Variants in ATF6 observed in about 807,000 individuals in gnomAD.
The protein encoded by ATF6 is activating transcription factor 6.
Under a neutral mutation model 83.6 loss-of-function variants are expected in ATF6, and 53 were observed. The ratio of observed to expected loss-of-function variants is 0.63; its 90% CI spans 0.51 to 0.80. The LOEUF (loss-of-function observed/expected upper bound fraction) is 0.80. ATF6 is among the 30% of genes least tolerant of loss of function. The probability of loss-of-function intolerance (pLI) is 0.00; values close to 1 mark genes in which losing one functional copy is unlikely to be tolerated. For missense variants in ATF6, 744 were observed against 797.9 expected, an observed-to-expected ratio of 0.93 and a Z score of 0.81; for synonymous variants, 288 against 285.8, an observed-to-expected ratio of 1.01 and a Z score of -0.08.
chr1:161,912,830 T>C (rs1048262715), intron 15 of ATF6, among the ~76,000 whole-genome samples: 1 of 152,160 alleles, frequency 6.6e-6, no homozygotes, highest in Non-Finnish European at 1.5e-5. Context: ...TTGACACTGA[T>C]AGTATTACTA....
At chr1:161,835,529 C>T (rs901394436) in intron 9 of ATF6, among the ~76,000 whole-genome samples, 16 of 152,194 alleles carry the variant, frequency 1.1e-4, no homozygotes, top group Non-Finnish European at 1.9e-4. Context: ...TCTTCCTATA[C>T]ATTGTTTTGT....
intron 12 of ATF6, among the ~76,000 whole-genome samples, chr1:161,859,236 G>T (rs973082136): frequency 3.9e-5 from 6 of 152,088 alleles, no homozygotes; most frequent in Non-Finnish European, 8.8e-5. Context: ...CCAGAAGTGG[G>T]AACCCCTATA....
chr1:161,895,366 G>A (rs1251939626), intron 14 of ATF6, among the ~76,000 whole-genome samples: 1 of 152,142 alleles, frequency 6.6e-6, no homozygotes, highest in Non-Finnish European at 1.5e-5. Context: ...ATTTGTGTGT[G>A]TTTTACTTAT....
intron 14 of ATF6, among the ~76,000 whole-genome samples, chr1:161,896,383 C>T (rs1378579911): frequency 6.6e-6 from 1 of 152,212 alleles, no homozygotes; most frequent in Non-Finnish European, 1.5e-5. Context: ...AGGCGTGAGC[C>T]ACCATGCCCA....
intron 9 of ATF6, among the ~76,000 whole-genome samples, chr1:161,824,449 A>T (rs1039969181): frequency 1.3e-5 from 2 of 151,148 alleles, no homozygotes; most frequent in Admixed American, 6.6e-5. Context: ...CCTTTTCTAA[A>T]TGTCTATCCC....
intron 15 of ATF6, among the ~76,000 whole-genome samples, chr1:161,913,288 C>G (rs954640999): frequency 6.6e-6 from 1 of 152,174 alleles, no homozygotes; most frequent in Non-Finnish European, 1.5e-5. Context: ...AACTAACCTG[C>G]AGTCGAACCA....
At chr1:161,832,428 C>T (rs1332866270) in intron 9 of ATF6, among the ~76,000 whole-genome samples, 2 of 152,160 alleles carry the variant, frequency 1.3e-5, no homozygotes, top group Non-Finnish European at 2.9e-5. Context: ...GGGTGCAGCG[C>T]ACCGTGCATG....
chr1:161,856,466 G>C (rs1440751140), intron 12 of ATF6, among the ~76,000 whole-genome samples: 2 of 152,138 alleles, frequency 1.3e-5, no homozygotes, highest in African/African-American at 2.4e-5. Context: ...CTGCTACCAT[G>C]GTCAGAGGAA....
chr1:161,951,277 A>G (rs185462895), intron 15 of ATF6, among the ~76,000 whole-genome samples: 3 of 152,352 alleles, frequency 2.0e-5, no homozygotes, highest in Admixed American at 2.0e-4. Context: ...TTTAGGGACA[A>G]GGTCTTAACA....
At chr1:161,768,787 C>G (rs1036442826) in intron 1 of ATF6, among the ~76,000 whole-genome samples, 2 of 152,040 alleles carry the variant, frequency 1.3e-5, no homozygotes, top group African/African-American at 4.8e-5. Context: ...GTTGCCCAGA[C>G]TGGTCTCCAA....
intron 9 of ATF6, among the ~76,000 whole-genome samples, chr1:161,826,177 G>A (rs1685892639): frequency 6.6e-6 from 1 of 152,176 alleles, no homozygotes; most frequent in African/African-American, 2.4e-5. Context: ...AAGGAATAAA[G>A]AGGATTAGAT....
intron 1 of ATF6, among the ~76,000 whole-genome samples, chr1:161,777,844 C>T (rs994529984): frequency 2.6e-5 from 4 of 152,194 alleles, no homozygotes; most frequent in Non-Finnish European, 5.9e-5. Flanking sequence ...ATACTTTCCA[C>T]AGCCCTCTCC....
At chr1:161,929,535 A>T (rs548896093) in intron 15 of ATF6, among the ~76,000 whole-genome samples, 1 of 152,226 alleles carries the variant, frequency 6.6e-6, no homozygotes, top group African/African-American at 2.4e-5. Flanking sequence ...GAAATAAATT[A>T]TCTGGTACTT....
chr1:161,865,305 G>T (rs1054646089), intron 14 of ATF6, among the ~76,000 whole-genome samples: 1 of 151,866 alleles, frequency 6.6e-6, no homozygotes, highest in Non-Finnish European at 1.5e-5. Flanking sequence ...GACTATAGCC[G>T]CATGCCACCA....
chr1:161,876,385 C>T (rs1050999077), intron 14 of ATF6, among the ~76,000 whole-genome samples: 5 of 151,906 alleles, frequency 3.3e-5, no homozygotes, highest in Admixed American at 2.6e-4. Context: ...TGAGCAAGGT[C>T]GATTATCCAC....
At chr1:161,774,442 CACAT>C (rs1684470702) in intron 1 of ATF6, among the ~76,000 whole-genome samples, 1 of 150,134 alleles carries the variant, frequency 6.7e-6, no homozygotes, top group Non-Finnish European at 1.5e-5. Context: ...CACACATACA[CACAT>C]ATATATACAT....
At chr1:161,826,186 A>G (rs1027039548) in intron 9 of ATF6, among the ~76,000 whole-genome samples, 1 of 152,190 alleles carries the variant, frequency 6.6e-6, no homozygotes, top group African/African-American at 2.4e-5. Context: ...AGAGGATTAG[A>G]TTATGCTACA....
intron 9 of ATF6, among the ~76,000 whole-genome samples, chr1:161,833,574 G>C (rs1686130413): frequency 6.6e-6 from 1 of 152,174 alleles, no homozygotes; most frequent in Non-Finnish European, 1.5e-5. Flanking sequence ...ACCTGATGTA[G>C]CTGAAAACCA....
chr1:161,832,297 G>T (rs573009606), intron 9 of ATF6, among the ~76,000 whole-genome samples: 2 of 152,160 alleles, frequency 1.3e-5, no homozygotes, highest in Non-Finnish European at 2.9e-5. Context: ...CTTGGAATAG[G>T]AACAGCTCCA....
Sources: allele counts gnomAD v4.1 joint callset (sites outside exome capture counted in the v4.1 genomes callset), GRCh38; gene constraint gnomAD v4.1.1; transcripts MANE v1.5; gene names NCBI Gene and HGNC (gene_info 2026-07-23, HGNC 2026-07-21).